Variants in MYO5B observed in about 807,000 individuals in gnomAD.
The protein encoded by MYO5B is unconventional myosin-Vb.
A neutral mutation model predicts 229.3 loss-of-function variants in MYO5B; 143 were observed. The observed-to-expected ratio is 0.62, with a 90% CI of 0.54 to 0.72. MYO5B has a LOEUF of 0.72. Ranked by LOEUF, MYO5B falls within the 30% of genes least tolerant of loss-of-function variation. MYO5B has a pLI of 0.00. For missense variants in MYO5B, 2,321 were observed against 2,331.0 expected (o/e 1.00, Z 0.09); for synonymous variants, 918 against 885.2 (o/e 1.04, Z -0.66).
At chr18:50,070,018 C>CTT (rs765610800) in intron 1 of MYO5B, among the ~76,000 whole-genome samples, 205 of 110,018 alleles carry the variant, frequency 1.9e-3, no homozygotes, top group Non-Finnish European at 2.2e-3. Context: ...GCAATTTAGT[C>CTT]TTTTTTTTTT....
At chr18:49,955,654 T>G (rs2025484628) in intron 12 of MYO5B, among the ~76,000 whole-genome samples, 1 of 152,248 alleles carries the variant, frequency 6.6e-6, no homozygotes, top group South Asian at 2.1e-4. Context: ...TTGGCATAAC[T>G]AATATTGAAT....
chr18:49,869,705 G>A (rs1396542508), intron 27 of MYO5B, among the ~76,000 whole-genome samples: 18 of 152,158 alleles, frequency 1.2e-4, no homozygotes, highest in African/African-American at 3.6e-4. Flanking sequence ...AGTTTCATGC[G>A]TAGGGTAGTA....
In MYO5B at chr18:49,841,460, A is replaced by G. The variant is rs769460035; in HGVS notation, c.4612-6T>C. On this transcript the variant is annotated splice_polypyrimidine_tract_variant and splice_region_variant and intron_variant, in intron 34 of 39. Transcript: ENST00000285039. ...TCAAAGTCATCATTGTGCTTCTGTG[A>G]AAAGAAAAGGACATCCTCAGCTCTA... 7.4e-6 allele frequency: 12 copies of G among 1,613,462 alleles called. No individual in the cohort carries two copies. The highest frequency in any genetic ancestry group is 1.3e-5 in the African/African-American group (1 of 74,876).
At chr18:50,092,263 T>C (rs1484335127) in intron 1 of MYO5B, among the ~76,000 whole-genome samples, 1 of 152,204 alleles carries the variant, frequency 6.6e-6, no homozygotes, top group Non-Finnish European at 1.5e-5. Context: ...TAGTAGCAGA[T>C]GCAGCCCCAA....
chr18:49,900,751 C>T (rs2024831757), intron 21 of MYO5B, among the ~76,000 whole-genome samples: 2 of 152,172 alleles, frequency 1.3e-5, no homozygotes, highest in Admixed American at 6.5e-5. Context: ...TAGGAGGCAC[C>T]CTCTGGGGCA....
intron 1 of MYO5B, among the ~76,000 whole-genome samples, chr18:50,085,507 T>C (rs111670366): frequency 0.24 from 36,726 of 150,566 alleles, 5,253 homozygotes; most frequent in African/African-American, 0.41. Flanking sequence ...GTCAGTGTGG[T>C]GATTCCTCAG....
chr18:50,162,435 G>C (rs527264437), intron 1 of MYO5B, among the ~76,000 whole-genome samples: 1 of 152,254 alleles, frequency 6.6e-6, no homozygotes, highest in East Asian at 1.9e-4. Context: ...TGAAAAATTT[G>C]GAAGGACTGT....
At chr18:49,929,880 G>A (rs1410721475) in intron 16 of MYO5B, among the ~76,000 whole-genome samples, 1 of 150,942 alleles carries the variant, frequency 6.6e-6, no homozygotes, top group Non-Finnish European at 1.5e-5. Context: ...TTGCCCACCC[G>A]AATCCTCCCC....
chr18:50,118,311 C>T (rs974519506), intron 1 of MYO5B, among the ~76,000 whole-genome samples: 3 of 152,136 alleles, frequency 2.0e-5, no homozygotes, highest in Non-Finnish European at 2.9e-5. Flanking sequence ...TAGATAGGAC[C>T]GCATGTGTCC....
Position 50,037,892 on chromosome 18 carries a change from A to T in MYO5B, c.311-898T>A, listed in dbSNP as rs185864068. On this transcript the variant is annotated intron_variant, in intron 3 of 39. Transcript: ENST00000285039. ...GGGCGACAGAGTGAGGCCCTGTCTT[A>T]AAAAAAAAAGAGAACACTTAAGACC... is the stretch of plus-strand genomic sequence containing the variant. 4.7e-5 allele frequency among the ~76,000 whole-genome samples: 7 copies of T among 147,718 alleles called. No homozygotes were observed. In the East Asian group the frequency reaches 1.2e-3, roughly 25 times the overall value.
chr18:50,031,934 C>T (rs540954039), intron 4 of MYO5B, among the ~76,000 whole-genome samples: 25 of 152,288 alleles, frequency 1.6e-4, no homozygotes, highest in African/African-American at 5.3e-4. Flanking sequence ...AACATAAGGG[C>T]TCTGGGAAGC....
chr18:49,951,881 C>T (rs1324764079), intron 14 of MYO5B, among the ~76,000 whole-genome samples: 1 of 152,214 alleles, frequency 6.6e-6, no homozygotes, highest in African/African-American at 2.4e-5. Flanking sequence ...CCTCCCTATG[C>T]CACCATCCTC....
chr18:49,989,850 C>G (rs573247689), intron 7 of MYO5B, among the ~76,000 whole-genome samples: 1 of 152,198 alleles, frequency 6.6e-6, no homozygotes, highest in Non-Finnish European at 1.5e-5. Context: ...CCATCTCTCT[C>G]CCTCCAGTGA....
At chr18:50,036,112 G>T (rs1361229646) in intron 4 of MYO5B, among the ~76,000 whole-genome samples, 1 of 152,156 alleles carries the variant, frequency 6.6e-6, no homozygotes, top group Non-Finnish European at 1.5e-5. Context: ...TCCAAAAAGT[G>T]TTCTCTAGAG....
At chr18:50,089,701 C>A (rs2031405677) in intron 1 of MYO5B, among the ~76,000 whole-genome samples, 2 of 152,108 alleles carry the variant, frequency 1.3e-5, no homozygotes, top group African/African-American at 2.4e-5. Context: ...TGGGAAGTTT[C>A]TGTTTTTAAC....
At chr18:49,893,485 A>T (rs1454729178) in intron 22 of MYO5B, among the ~76,000 whole-genome samples, 7 of 152,220 alleles carry the variant, frequency 4.6e-5, no homozygotes, top group Admixed American at 1.3e-4. Flanking sequence ...CACATTTAAC[A>T]GGAGTTTCCA....
chr18:50,137,678 A>C (rs937896128), intron 1 of MYO5B, among the ~76,000 whole-genome samples: 6 of 152,208 alleles, frequency 3.9e-5, no homozygotes, highest in African/African-American at 9.7e-5. Flanking sequence ...AGACACATGT[A>C]CACCAATGTT....
chr18:50,104,493 A>G (rs1426377486), intron 1 of MYO5B, among the ~76,000 whole-genome samples: 3 of 148,200 alleles, frequency 2.0e-5, no homozygotes, highest in African/African-American at 7.8e-5. Flanking sequence ...GTTTAGAAGA[A>G]ACATTTCTAC....
intron 1 of MYO5B, among the ~76,000 whole-genome samples, chr18:50,157,617 T>C (rs2032701218): frequency 1.3e-5 from 2 of 152,186 alleles, no homozygotes; most frequent in South Asian, 4.1e-4. Flanking sequence ...TTTTCCTCAC[T>C]AGCTGCTGCT....
Sources: gnomAD v4.1 joint callset for allele counts (sites outside exome capture counted in the v4.1 genomes callset) on GRCh38, gnomAD v4.1.1 for gene constraint, MANE v1.5 for transcripts, NCBI Gene and HGNC (gene_info 2026-07-23, HGNC 2026-07-21) for gene names.